The following HERC2 variants were observed in gnomAD, a reference collection of about 807,000 sequenced individuals.
HERC2 encodes the protein HECT and RLD domain containing E3 ubiquitin protein ligase 2.
In HERC2, 102 loss-of-function variants were observed where a neutral mutation model predicts 537.7. The observed-to-expected ratio is 0.19, with a 90% confidence interval of 0.16 to 0.22. The LOEUF (loss-of-function observed/expected upper bound fraction) is 0.22. HERC2 is among the 10% of genes least tolerant of loss of function. The probability of loss-of-function intolerance (pLI) is 1.00; values close to 1 mark genes in which losing one functional copy is unlikely to be tolerated. For synonymous variants in HERC2, 2,224 were observed against 2,466.2 expected (o/e 0.90, Z 2.91); for missense variants, 4,236 against 6,198.2 (o/e 0.68, Z 10.63).
In HERC2 at chr15:28,256,209, C is replaced by T. The variant is rs769536570; in HGVS notation, c.2626G>A (p.Ala876Thr). ...GACTGCACGGTGCTCAGCACGCCCG[C>T]ACTGCTGGCCAGGGTCACCACCGTC... ...KQTVVTLASS[A>T]GVLSTVQSAA... The change falls in exon 18 of 93, where the codon GCG (alanine) becomes ACG (threonine). Residue 876 changes from alanine (A) to threonine (T), a missense_variant. Around this residue, in one of 27 missense-constraint regions of HERC2, gnomAD observed 754 missense variants for 1,085.0 expected, o/e 0.69. Coordinates refer to ENST00000261609, the MANE Select transcript of HERC2 (RefSeq NM_004667.6). 4.4e-6 allele frequency: 7 copies of T among 1,600,524 alleles called. No individual in the cohort carries two copies. In the East Asian group the frequency reaches 1.3e-4, roughly 31 times the overall value.
At chr15:28,117,185 C>A in intron 86 of HERC2, 31 bp from the exon 87 acceptor site, 1 of 1,611,102 alleles carries the variant, frequency 6.2e-7, no homozygotes, top group South Asian at 1.1e-5. Context: ...AAGCGTGAGG[C>A]CGCTGCCGCA....
intron 23 of HERC2, among the ~76,000 whole-genome samples, chr15:28,240,350 A>G (rs1057192390): frequency 1.3e-5 from 2 of 152,226 alleles, no homozygotes; most frequent in East Asian, 1.9e-4. Context: ...CCTGGGAGAC[A>G]GAGCTTGCAG....
chr15:28,223,947 G>A (rs1900802560), intron 35 of HERC2, among the ~76,000 whole-genome samples: 1 of 151,776 alleles, frequency 6.6e-6, no homozygotes, highest in African/African-American at 2.4e-5. Flanking sequence ...TGGGAAAAAA[G>A]TAGACAACAT....
At chr15:28,159,213 T>C (rs1394863153) in intron 69 of HERC2, among the ~76,000 whole-genome samples, 1 of 152,190 alleles carries the variant, frequency 6.6e-6, no homozygotes, top group African/African-American at 2.4e-5. Flanking sequence ...CAATTATGTG[T>C]CTTGGAGTTG....
chr15:28,139,546 T>C (rs543016847), intron 78 of HERC2, among the ~76,000 whole-genome samples: 1 of 152,282 alleles, frequency 6.6e-6, no homozygotes, highest in African/African-American at 2.4e-5. Flanking sequence ...CTATGCTGCA[T>C]CCAGAGTCCT....
chr15:28,213,894 C>T lies in HERC2; in HGVS notation c.6634G>A (p.Gly2212Ser). ...CCCAGGCGCAGGCGACCATCGATGC[C>T]TCCAATCACAGCCAGGACTGCCATG... is the stretch of plus-strand genomic sequence containing the variant. ...GLMAVLAVIG[G>S]IDGRLRLGGQ... is the part of the protein sequence containing the mutation. The change falls in exon 42 of 93, where the codon GGC becomes AGC. Residue 2212 changes from glycine (G) to serine (S), a missense_variant. By Grantham distance (56) the Gly-to-Ser change is moderately conservative. This residue lies in a region of HERC2 where 365 missense variants were observed against 468.8 expected (regional missense o/e 0.78). Transcript: ENST00000261609. 5 of 1,614,080 alleles carry T rather than the reference C, an allele frequency of 3.1e-6. No individual in the cohort carries two copies. Among genetic ancestry groups the T allele is most frequent in the Non-Finnish European group, 4.2e-6 (5 of 1,180,010 alleles).
chr15:28,217,086 GCACT>G (rs1899999601), intron 38 of HERC2, among the ~76,000 whole-genome samples: 1 of 149,096 alleles, frequency 6.7e-6, no homozygotes, highest in Non-Finnish European at 1.5e-5. Context: ...ACAAATGCTC[GCACT>G]CAATCGCACA....
intron 20 of HERC2, 83 bp from the exon 21 acceptor site, chr15:28,248,819 T>C (rs1404489353): frequency 9.3e-7 from 1 of 1,075,422 alleles, no homozygotes; most frequent in African/African-American, 1.6e-5. Flanking sequence ...TCATGACAAA[T>C]TAATATCACA....
Position 28,170,497 on chromosome 15 carries a change from T to G in HERC2, c.10058-842A>C, listed in dbSNP as rs1161655291. On this transcript the variant is annotated intron_variant, in intron 65 of 92. Coordinates refer to ENST00000261609, the MANE Select transcript of HERC2 (RefSeq NM_004667.6). ...CCAAACTTCAGCCTAAGTCTACACC[T>G]TATGCAAAATTAAATCCAAATGGAT... 2.6e-5 allele frequency among the ~76,000 whole-genome samples: 4 copies of G among 152,272 alleles called. No homozygotes were observed. In the East Asian group the frequency reaches 7.7e-4, roughly 29 times the overall value.
intron 69 of HERC2, among the ~76,000 whole-genome samples, chr15:28,156,794 C>T (rs1319303951): frequency 3.9e-4 from 60 of 152,104 alleles, no homozygotes; most frequent in Admixed American, 3.8e-3. Flanking sequence ...CTATGTTGAA[C>T]AGGAGTGGTG....
chr15:28,254,974 C>T (rs908938247), intron 19 of HERC2, among the ~76,000 whole-genome samples: 2 of 152,174 alleles, frequency 1.3e-5, no homozygotes, highest in African/African-American at 2.4e-5. Context: ...CAAGTGTTTA[C>T]CCAAAAGGAG....
intron 5 of HERC2, 44 bp from the exon 6 acceptor site, chr15:28,275,049 G>T: frequency 7.9e-7 from 1 of 1,258,316 alleles, no homozygotes; most frequent in Admixed American, 1.7e-5. Flanking sequence ...CAGCAGCAGA[G>T]GGTGCAGATA....
Position 28,238,345 on chromosome 15 carries a change from C to G in HERC2, c.3749-128G>C, listed in dbSNP as rs1902677855. The G allele has an allele frequency of 4.9e-6, 4 of 822,086 alleles. No homozygotes were observed. The East Asian group carries it at 1.0e-4, about 22-fold the overall frequency. 50.9% of individuals were successfully genotyped at this position (822,086 alleles called of 1,614,324 possible). Reference sequence around the variant, plus strand: ...GTGAGGGTTACCAGAGTATAATGACCTTCTACTGTCTCCCAGGGTTGCCTG... The same window carrying G: ...GTGAGGGTTACCAGAGTATAATGACGTTCTACTGTCTCCCAGGGTTGCCTG... On this transcript the variant is annotated intron_variant, in intron 24 of 92. Transcript: ENST00000261609.
chr15:28,274,163 G>A, intron 7 of HERC2, 128 bp downstream of exon 7: 2 of 829,898 alleles, frequency 2.4e-6, no homozygotes, highest in Middle Eastern at 2.3e-4. Context: ...TCACAGCACT[G>A]ACAGCCCGCT....
intron 2 of HERC2, among the ~76,000 whole-genome samples, chr15:28,303,866 C>T (rs1165381067): frequency 1.3e-5 from 2 of 152,074 alleles, no homozygotes; most frequent in Non-Finnish European, 2.9e-5. Context: ...TGTTGACATA[C>T]AGAAATGCTA....
intron 20 of HERC2, among the ~76,000 whole-genome samples, chr15:28,249,462 A>ATAT (rs1904056467): frequency 6.6e-6 from 1 of 152,210 alleles, no homozygotes; most frequent in Non-Finnish European, 1.5e-5. Context: ...CAGAAGGTAA[A>ATAT]GTTAGGAGAG....
chr15:28,211,128 G>A lies in HERC2; in HGVS notation c.6943C>T (p.Leu2315=). ...QAFAGQVDLD[L]LRCQQLKLYI... ...AGCTTCAACTGCTGGCACCGCAGCA[G>A]GTCCAGGTCCACTTGTCCTGCGGAA... The change falls in exon 44 of 93, where the codon CTG becomes TTG. Residue 2315 remains leucine (L), a synonymous_variant. Coordinates refer to ENST00000261609, the MANE Select transcript of HERC2 (RefSeq NM_004667.6). 6.3e-7 allele frequency: 1 copy of A among 1,579,700 alleles called. No homozygotes were observed. Among genetic ancestry groups the A allele is most frequent in the South Asian group, 1.1e-5 (1 of 90,310 alleles).
chr15:28,159,499 T>C (rs367790815), intron 69 of HERC2, among the ~76,000 whole-genome samples: 8 of 152,364 alleles, frequency 5.3e-5, no homozygotes, highest in African/African-American at 1.9e-4. Flanking sequence ...CAATCACTGA[T>C]ACCCCTTCCT....
At chr15:28,116,922 C>T (rs757032412) in intron 87 of HERC2, 63 bp from the exon 88 acceptor site, 26 of 1,608,638 alleles carry the variant, frequency 1.6e-5, no homozygotes, top group Middle Eastern at 3.3e-4. Context: ...AGAGCCCCAA[C>T]GCTCCCACAC....
Sources: gnomAD v4.1 joint callset for allele counts (sites outside exome capture counted in the v4.1 genomes callset) on GRCh38, gnomAD v4.1.1 for gene constraint, gnomAD v4.1.1 regional missense constraint, MANE v1.5 for transcripts, NCBI Gene and HGNC (gene_info 2026-07-23, HGNC 2026-07-21) for gene names.